DNAAF9: variants seen among roughly 807,000 people sequenced by gnomAD.
DNAAF9 encodes the protein dynein axonemal assembly factor 9, also known as shulin.
Under a neutral mutation model 167.0 loss-of-function variants are expected in DNAAF9, and 90 were observed. That is an observed-to-expected ratio of 0.54 (90% CI 0.45 to 0.64). The LOEUF (loss-of-function observed/expected upper bound fraction) is 0.64. Among genes scored for constraint, DNAAF9 ranks in the 30% least tolerant of loss-of-function variants. DNAAF9 has a pLI of 0.00. For synonymous variants in DNAAF9, 491 were observed against 508.8 expected, an observed-to-expected ratio of 0.96 and a Z score of 0.47; for missense variants, 1,315 against 1,442.2, an observed-to-expected ratio of 0.91 and a Z score of 1.43.
At chr20:3,366,498 A>G (rs987979283) in intron 6 of DNAAF9, among the ~76,000 whole-genome samples, 5 of 152,188 alleles carry the variant, frequency 3.3e-5, no homozygotes, top group Non-Finnish European at 7.3e-5. Flanking sequence ...ATTTGGCATA[A>G]TCCCTAAGGG....
At chr20:3,356,286 G>A (rs1377429223) in intron 7 of DNAAF9, among the ~76,000 whole-genome samples, 1 of 152,148 alleles carries the variant, frequency 6.6e-6, no homozygotes, top group Non-Finnish European at 1.5e-5. Flanking sequence ...CCAAAGTGCT[G>A]GGATTACAGG....
In DNAAF9 at chr20:3,281,706, C is replaced by T. The variant is rs765239374; in HGVS notation, c.2547G>A (p.Lys849=). 2.5e-6 allele frequency: 4 copies of T among 1,612,772 alleles called. No homozygotes were observed. The African/African-American group carries it at 5.3e-5, about 22-fold the overall frequency. ...ALQTHPDSNV[K]ASFTIGAITA... ...TGATGGCACCAATGGTGAAGGAGGC[C>T]TTGACATTTGAGTCTGGGTGGGTCT... The change falls in exon 28 of 37, where the codon AAG becomes AAA. Residue 849 remains lysine (K), a synonymous_variant. Transcript: ENST00000252032.
chr20:3,394,263 A>G (rs1334285570), intron 1 of DNAAF9, among the ~76,000 whole-genome samples: 1 of 151,506 alleles, frequency 6.6e-6, no homozygotes, highest in Non-Finnish European at 1.5e-5. Context: ...ACTTGAACCC[A>G]GGAGGCGGAG....
chr20:3,390,889 G>A (rs1186148080), intron 1 of DNAAF9, among the ~76,000 whole-genome samples: 2 of 152,122 alleles, frequency 1.3e-5, no homozygotes, highest in African/African-American at 4.8e-5. Flanking sequence ...TCATTGAGTT[G>A]GTCCTGTGGC....
At chr20:3,347,581 G>A (rs2070219350) in intron 8 of DNAAF9, among the ~76,000 whole-genome samples, 1 of 152,116 alleles carries the variant, frequency 6.6e-6, no homozygotes, top group Admixed American at 6.5e-5. Context: ...CTTTAAGAAA[G>A]GTAATTGATT....
chr20:3,280,497 G>A lies in DNAAF9; in HGVS notation c.2612+1144C>T, dbSNP rs181191598. 6.5e-3 allele frequency among the ~76,000 whole-genome samples: 987 copies of A among 151,712 alleles called. 5 individuals carry two copies. Among genetic ancestry groups the A allele is most frequent in the Middle Eastern group, 0.014 (4 of 294 alleles). Reference sequence around the variant, plus strand: ...AGAAAATCGCTTGAACCTGGGAGGCGGAGGTTGCAGTGAGCTGGGATCATG... The same window carrying A: ...AGAAAATCGCTTGAACCTGGGAGGCAGAGGTTGCAGTGAGCTGGGATCATG... On this transcript the variant is annotated intron_variant, in intron 28 of 36. Transcript: ENST00000252032.
At chr20:3,387,322 A>T (rs2083756489) in intron 1 of DNAAF9, among the ~76,000 whole-genome samples, 1 of 152,228 alleles carries the variant, frequency 6.6e-6, no homozygotes. Flanking sequence ...GACCAATGAA[A>T]CAGAATAAAG....
At chr20:3,369,957 T>C (rs1341210447) in intron 6 of DNAAF9, among the ~76,000 whole-genome samples, 1 of 151,168 alleles carries the variant, frequency 6.6e-6, no homozygotes, top group Admixed American at 6.6e-5. Context: ...TGGGTCTTAA[T>C]GAACTGGTCT....
At chr20:3,342,353 C>A (rs2070103130) in intron 9 of DNAAF9, among the ~76,000 whole-genome samples, 1 of 152,142 alleles carries the variant, frequency 6.6e-6, no homozygotes, top group African/African-American at 2.4e-5. Flanking sequence ...CTTCATGGCA[C>A]CAATCAGAGT....
At position 3,273,642 on chromosome 20, in the gene DNAAF9, A is replaced by T. The variant is rs111513801; in HGVS notation, c.2651-3080T>A. 1.6e-3 allele frequency among the ~76,000 whole-genome samples: 238 copies of T among 152,258 alleles called. 2 individuals carry two copies. Among genetic ancestry groups the T allele is most frequent in the African/African-American group, 5.5e-3 (227 of 41,552 alleles). On this transcript the variant is annotated intron_variant, in intron 29 of 36. Coordinates refer to ENST00000252032, the MANE Select transcript of DNAAF9 (RefSeq NM_001009984.3). Reference sequence around the variant, plus strand: ...CACTCACTATCACAAGGACAGCACCAAGCCATTCATGAGGGATCTGCCCCC... The same window carrying T: ...CACTCACTATCACAAGGACAGCACCTAGCCATTCATGAGGGATCTGCCCCC...
Position 3,255,937 on chromosome 20 carries a change from C to T in DNAAF9, c.3261+69G>A, listed in dbSNP as rs1320109096. The T allele has an allele frequency of 1.9e-5, 23 of 1,242,516 alleles. No individual in the cohort carries two copies. In the South Asian group the frequency reaches 2.3e-4, roughly 12 times the overall value. 77.0% of individuals were successfully genotyped at this position (1,242,516 alleles called of 1,614,324 possible). ...TCAGGGAGGCAGTGGCGGGGCTTCT[C>T]AGGGCCAACAGCAGCTCTGAGGTGT... On this transcript the variant is annotated intron_variant, in intron 34 of 36. Transcript: ENST00000252032.
At chr20:3,322,829 C>A in intron 14 of DNAAF9, 133 bp from the exon 15 acceptor site, 2 of 756,856 alleles carry the variant, frequency 2.6e-6, no homozygotes, top group South Asian at 1.4e-5. Flanking sequence ...ACAGATTTAC[C>A]CTATTTTGGA....
At chr20:3,256,301 G>C (rs2068279636) in intron 33 of DNAAF9, 90 bp from the exon 34 acceptor site, 1 of 935,550 alleles carries the variant, frequency 1.1e-6, no homozygotes, top group South Asian at 1.5e-5. Flanking sequence ...GGTTGGGATA[G>C]ATTCATGAGA....
At chr20:3,261,958 G>A (rs1031257114) in intron 31 of DNAAF9, among the ~76,000 whole-genome samples, 4 of 152,152 alleles carry the variant, frequency 2.6e-5, no homozygotes, top group Middle Eastern at 3.4e-3. Flanking sequence ...GGGTGGATGC[G>A]AACAGAGAAG....
At chr20:3,255,051 T>C (rs1028908396) in intron 35 of DNAAF9, among the ~76,000 whole-genome samples, 168 bp downstream of exon 35, 2 of 152,214 alleles carry the variant, frequency 1.3e-5, no homozygotes, top group Non-Finnish European at 2.9e-5. Context: ...TCACTGAGGC[T>C]GCAAAGGCCA....
intron 23 of DNAAF9, chr20:3,295,750 T>C: frequency 1.5e-6 from 1 of 672,582 alleles, no homozygotes; most frequent in South Asian, 1.4e-5. Context: ...TTGTCCACTT[T>C]ATTCTGGAAG....
At chr20:3,300,930 T>C (rs796930567) in intron 21 of DNAAF9, among the ~76,000 whole-genome samples, 4 of 150,990 alleles carry the variant, frequency 2.6e-5, no homozygotes, top group East Asian at 1.9e-4. Flanking sequence ...ATTATAAAAA[T>C]ACAACAGAGA....
At position 3,337,440 on chromosome 20, in the gene DNAAF9, G is replaced by GGTT. The variant is rs72138571; in HGVS notation, c.981+3063_981+3064insAAC. Among the ~76,000 whole-genome samples, 963 of 134,400 alleles carry GGTT rather than the reference G, an allele frequency of 7.2e-3. 3 individuals are homozygous for GGTT. Among genetic ancestry groups the GGTT allele is most frequent in the Non-Finnish European group, 0.012 (748 of 63,400 alleles). 88.2% of individuals were successfully genotyped at this position (134,400 alleles called of 152,430 possible). ...CACCACGCCCAGGTTCTTTTTTTTT[G>GGTT]TTTTTTTTTTTTTTGGTATTTTTAG... On this transcript the variant is annotated intron_variant, in intron 10 of 36. Coordinates refer to ENST00000252032, the MANE Select transcript of DNAAF9 (RefSeq NM_001009984.3).
At chr20:3,328,372 G>A (rs1159405553) in intron 12 of DNAAF9, among the ~76,000 whole-genome samples, 2 of 152,024 alleles carry the variant, frequency 1.3e-5, no homozygotes, top group East Asian at 3.9e-4. Context: ...AGTAGAGGCG[G>A]GGTTTCACCA....
Sources: allele counts gnomAD v4.1 joint callset (sites outside exome capture counted in the v4.1 genomes callset), GRCh38; gene constraint gnomAD v4.1.1; transcripts MANE v1.5; gene names NCBI Gene and HGNC (gene_info 2026-07-23, HGNC 2026-07-21).